The following TCTN3 variants were observed in gnomAD, a reference collection of about 807,000 sequenced individuals.
TCTN3 encodes tectonic-3.
In TCTN3, 57 loss-of-function variants were observed where a neutral mutation model predicts 71.3. The observed-to-expected ratio is 0.80, with a 90% CI of 0.65 to 1.00. The LOEUF is 1.00. Ranked by LOEUF, TCTN3 falls within the 50% of genes least tolerant of loss-of-function variation. TCTN3 has a pLI of 0.00. For synonymous variants in TCTN3, 258 were observed against 267.8 expected, an observed-to-expected ratio of 0.96 and a Z score of 0.36; for missense variants, 696 against 719.9, an observed-to-expected ratio of 0.97 and a Z score of 0.38.
chr10:95,690,047 T>TCTC (rs2097952105), intron 3 of TCTN3, among the ~76,000 whole-genome samples: 1 of 152,176 alleles, frequency 6.6e-6, no homozygotes, highest in Non-Finnish European at 1.5e-5. Context: ...GGCTGCAGTA[T>TCTC]AGTAGCATGA....
chr10:95,681,522 A>G (rs1255372393), intron 12 of TCTN3, among the ~76,000 whole-genome samples: 1 of 152,230 alleles, frequency 6.6e-6, no homozygotes, highest in Non-Finnish European at 1.5e-5. Context: ...CGTAAGGGTT[A>G]GATTATGAAG....
intron 7 of TCTN3, among the ~76,000 whole-genome samples, chr10:95,686,100 C>T (rs752214783): frequency 3.9e-5 from 6 of 152,264 alleles, no homozygotes; most frequent in Admixed American, 6.5e-5. Flanking sequence ...TGGTGGCACA[C>T]GTCTATAGTC....
chr10:95,690,242 C>T (rs1217161348), intron 3 of TCTN3, among the ~76,000 whole-genome samples: 1 of 152,096 alleles, frequency 6.6e-6, no homozygotes, highest in African/African-American at 2.4e-5. Flanking sequence ...CCCTGACCTC[C>T]CAAAGTGCTG....
In TCTN3 at chr10:95,687,238, T is replaced by C. The variant is rs2097949231; in HGVS notation, c.736+9A>G. On this transcript the variant is annotated intron_variant, in intron 5 of 13. Transcript: ENST00000371217. ...AATGAAAAGGTTGGTACTTTTGCTC[T>C]GGATTCACCTGCAGGATTGCTTTCA... 6.2e-7 allele frequency: 1 copy of C among 1,613,566 alleles called. No individual in the cohort carries two copies. The highest frequency in any genetic ancestry group is 2.2e-5 in the East Asian group (1 of 44,888).
intron 12 of TCTN3, among the ~76,000 whole-genome samples, chr10:95,680,910 C>G (rs140013715): frequency 1.3e-5 from 2 of 151,638 alleles, no homozygotes; most frequent in Admixed American, 6.6e-5. Flanking sequence ...TCTCAAGTAG[C>G]TGGGATTACA....
intron 13 of TCTN3, among the ~76,000 whole-genome samples, chr10:95,679,606 T>G (rs2097940822): frequency 7.4e-6 from 1 of 135,166 alleles, no homozygotes; most frequent in Non-Finnish European, 1.6e-5. Context: ...TTTTTTTTTT[T>G]TTTGAGACGG....
chr10:95,672,344 T>C (rs1213246215), intron 13 of TCTN3, among the ~76,000 whole-genome samples: 1 of 152,218 alleles, frequency 6.6e-6, no homozygotes, highest in Admixed American at 6.5e-5. Flanking sequence ...TGAGTGATTA[T>C]GAATAGGGCT....
chr10:95,665,573 A>G (rs61871796), intron 13 of TCTN3, among the ~76,000 whole-genome samples: 2 of 151,602 alleles, frequency 1.3e-5, no homozygotes, highest in Admixed American at 1.3e-4. Flanking sequence ...GAGCCACTGC[A>G]CCCGGCCTGG....
intron 13 of TCTN3, among the ~76,000 whole-genome samples, chr10:95,680,084 G>A (rs1265605348): frequency 2.6e-5 from 4 of 152,114 alleles, no homozygotes; most frequent in South Asian, 2.1e-4. Context: ...TAGTCACAGC[G>A]GTAACTTTAA....
rs186476226 is a variant in TCTN3 at position 95,690,201 on chromosome 10, C to T, written c.500-2482G>A. ...GTCTTGCTATGTTGCCAGGATTGTTCTCGAACTCCTGGGCTCATGCAATCC... is the reference window on the plus strand; with the variant it reads ...GTCTTGCTATGTTGCCAGGATTGTTTTCGAACTCCTGGGCTCATGCAATCC... On this transcript the variant is annotated intron_variant, in intron 3 of 13. Coordinates refer to ENST00000371217, the MANE Select transcript of TCTN3 (RefSeq NM_015631.6). 3.8e-4 allele frequency among the ~76,000 whole-genome samples: 58 copies of T among 152,086 alleles called. No individual in the cohort carries two copies. In the East Asian group the frequency reaches 0.011, roughly 28 times the overall value.
intron 12 of TCTN3, among the ~76,000 whole-genome samples, chr10:95,682,030 C>CA (rs979195341): frequency 2.0e-5 from 3 of 150,918 alleles, no homozygotes; most frequent in Non-Finnish European, 2.9e-5. Context: ...CTTGTCTCTA[C>CA]AAAAAAATCA....
At chr10:95,682,915 G>A (rs996394637) in intron 11 of TCTN3, 111 bp from the exon 12 acceptor site, 4 of 1,411,586 alleles carry the variant, frequency 2.8e-6, no homozygotes, top group Non-Finnish European at 3.8e-6. Context: ...AGACCAGAGG[G>A]TATAATCCTT....
intron 12 of TCTN3, among the ~76,000 whole-genome samples, chr10:95,681,943 C>T (rs1397212863): frequency 1.3e-5 from 2 of 152,116 alleles, no homozygotes; most frequent in Non-Finnish European, 2.9e-5. Context: ...GCCTGTAATC[C>T]CAGCACTTTG....
In TCTN3 at chr10:95,682,673, AGGATCCT is replaced by A. The variant is rs1589613893; in HGVS notation, c.1423_1429del (p.Arg475SerfsTer10). ...TACTGAAATGCTGCAGTGCCTGTTG[AGGATCCT>A]GGTCCACCCTCCTTTCTGGGCTGGG... On this transcript the variant is annotated frameshift_variant, in exon 12 of 14. Transcript: ENST00000371217. LOFTEE classifies it high-confidence loss of function. 6.2e-7 allele frequency: 1 copy of A among 1,613,948 alleles called. No individual in the cohort carries two copies. The highest frequency in any genetic ancestry group is 8.5e-7 in the Non-Finnish European group (1 of 1,179,946).
At chr10:95,693,220 G>C in intron 2 of TCTN3, 133 bp downstream of exon 2, 1 of 1,428,638 alleles carries the variant, frequency 7.0e-7, no homozygotes, top group Non-Finnish European at 9.4e-7. Flanking sequence ...GCAATTCCTA[G>C]GAAAAACCAA....
chr10:95,684,276 G>A (rs1350491340), intron 9 of TCTN3, among the ~76,000 whole-genome samples: 1 of 152,136 alleles, frequency 6.6e-6, no homozygotes, highest in Non-Finnish European at 1.5e-5. Flanking sequence ...GCTTTGTTGG[G>A]GGCCAGACAG....
At position 95,680,523 on chromosome 10, in the gene TCTN3, C is replaced by A; in HGVS notation, c.1539G>T (p.Pro513=). The A allele has an allele frequency of 6.2e-7, 1 of 1,614,034 alleles. No individual in the cohort carries two copies. The highest frequency in any genetic ancestry group is 8.5e-7 in the Non-Finnish European group (1 of 1,179,978). The change falls in exon 13 of 14, where the codon CCG becomes CCT. Residue 513 remains proline, a synonymous_variant. Coordinates refer to ENST00000371217, the MANE Select transcript of TCTN3 (RefSeq NM_015631.6). The stretch of plus-strand genomic sequence containing the variant: ...ATCGAACTCCTGATACATGAGCTTG[C>A]GGGTTGGACAGGAGACCTACATATG... ...LWAYVGLLSN[P]QAHVSGVRFL... is the part of the protein sequence containing the mutation.
At position 95,679,583 on chromosome 10, in the gene TCTN3, CTTTTTTTTTTTT is replaced by C. The variant is rs201828119; in HGVS notation, c.1590+877_1590+888del. On this transcript the variant is annotated intron_variant, in intron 13 of 13. Transcript: ENST00000371217. ...TAATTTCACTAGGACCTAGTCATTT[CTTTTTTTTTTTT>C]TTTTTTTTTTTTTTGAGACGGAGTC... 9.7e-4 allele frequency among the ~76,000 whole-genome samples: 94 copies of C among 96,456 alleles called. No individual in the cohort carries two copies. In the South Asian group the frequency reaches 0.015, roughly 15 times the overall value. The allele number at this position is 96,456 out of a possible 152,430, so 63.3% of individuals were successfully genotyped here.
chr10:95,687,608 G>C lies in TCTN3; in HGVS notation c.611C>G (p.Pro204Arg). Reference protein sequence around the residue: ...SFTSTFQTQSPPSFYRAGDPI... With the variant: ...SFTSTFQTQSRPSFYRAGDPI... ...CAGGCTCACCCTGTAAAAAGATGGT[G>C]GTGATTGAGTTTGGAATGTTGAAGT... The change falls in exon 4 of 14, where the codon CCA (proline) becomes CGA (arginine). Residue 204 changes from proline (P) to arginine (R), a missense_variant. Coordinates refer to ENST00000371217, the MANE Select transcript of TCTN3 (RefSeq NM_015631.6). The C allele has an allele frequency of 6.2e-7, 1 of 1,613,934 alleles. No homozygotes were observed. Among genetic ancestry groups the C allele is most frequent in the East Asian group, 2.2e-5 (1 of 44,878 alleles).
Sources: gnomAD v4.1 joint callset for allele counts (sites outside exome capture counted in the v4.1 genomes callset) on GRCh38, gnomAD v4.1.1 for gene constraint, MANE v1.5 for transcripts, NCBI Gene and HGNC (gene_info 2026-07-23, HGNC 2026-07-21) for gene names.